EPB41L1: variants seen among roughly 807,000 people sequenced by gnomAD.
EPB41L1 encodes the protein erythrocyte membrane protein band 4.1 like 1, also known as band 4.1-like protein 1.
Under a neutral mutation model 97.8 loss-of-function variants are expected in EPB41L1, and 29 were observed. That is an observed-to-expected ratio of 0.30 (90% CI 0.22 to 0.40). The LOEUF (loss-of-function observed/expected upper bound fraction) is 0.40, where lower values mean the gene tolerates loss of function less well. Among genes scored for constraint, EPB41L1 ranks in the 10% least tolerant of loss-of-function variants. The pLI is 1.00. For synonymous variants in EPB41L1, 383 were observed against 459.2 expected, an observed-to-expected ratio of 0.83 and a Z score of 2.12; for missense variants, 812 against 1,162.3, an observed-to-expected ratio of 0.70 and a Z score of 4.38.
intron 6 of EPB41L1, among the ~76,000 whole-genome samples, chr20:36,184,589 C>T (rs146811278): frequency 1.3e-5 from 2 of 152,262 alleles, no homozygotes; most frequent in Non-Finnish European, 2.9e-5. Context: ...GGGGTAGAGT[C>T]ACATGTGCTG....
intron 9 of EPB41L1, among the ~76,000 whole-genome samples, chr20:36,189,263 T>G (rs1194081597): frequency 6.6e-6 from 1 of 152,148 alleles, no homozygotes; most frequent in African/African-American, 2.4e-5. Flanking sequence ...ATTTTCCTCA[T>G]AGCTGCTGGA....
chr20:36,182,215 C>T, intron 5 of EPB41L1, 57 bp from the exon 6 acceptor site: 2 of 1,516,852 alleles, frequency 1.3e-6, no homozygotes, highest in Non-Finnish European at 1.8e-6. Flanking sequence ...GATGGTGCAT[C>T]TGGACCACCC....
Position 36,209,769 on chromosome 20 carries a change from G to A in EPB41L1, c.1950G>A (p.Ser650=), listed in dbSNP as rs1195206967. The change falls in exon 15 of 22, where the codon TCG becomes TCA. Residue 650 remains serine, a synonymous_variant. Transcript: ENST00000338074. This position sits in a 1 kb window ranked among gnomAD's most constrained non-coding sequence, Gnocchi z 4.2. ...AGCTCGACCGGGACAAAAGCGACTC[G>A]GACACTGAGGGCCTGCTGTTCTCCC... ...LPELDRDKSD[S]DTEGLLFSRD... 5.0e-6 allele frequency: 8 copies of A among 1,613,936 alleles called. No individual in the cohort carries two copies. Among genetic ancestry groups the A allele is most frequent in the African/African-American group, 2.7e-5 (2 of 74,912 alleles).
At chr20:36,143,662 C>A (rs1025941140) in intron 2 of EPB41L1, among the ~76,000 whole-genome samples, 2 of 151,856 alleles carry the variant, frequency 1.3e-5, no homozygotes, top group Non-Finnish European at 2.9e-5. Context: ...GCATGGGCTT[C>A]ATGAGCTCTC....
chr20:36,177,615 G>A (rs1477961815), intron 3 of EPB41L1, among the ~76,000 whole-genome samples: 3 of 152,172 alleles, frequency 2.0e-5, no homozygotes, highest in African/African-American at 7.2e-5. Flanking sequence ...TGCCCCTTCG[G>A]TCTAAGTTAG....
At chr20:36,222,663 A>G (rs190880723) in intron 21 of EPB41L1, among the ~76,000 whole-genome samples, 14 of 152,110 alleles carry the variant, frequency 9.2e-5, no homozygotes, top group Non-Finnish European at 2.1e-4. Flanking sequence ...GTGGTTAAAA[A>G]TTTTTTTAAA....
In EPB41L1 at chr20:36,195,382, T is replaced by A. The variant is rs190869004; in HGVS notation, c.1485+18T>A. On this transcript the variant is annotated intron_variant, in intron 13 of 21. Coordinates refer to ENST00000338074, the MANE Select transcript of EPB41L1 (RefSeq NM_012156.2). This position sits in a 1 kb window ranked among gnomAD's most constrained non-coding sequence, Gnocchi z 4.6. ...AGCAGGAGGTACTGCATGGGACCTG[T>A]CCCTCCCTACCCAGCCGTTCCCATC... 190 of 1,613,682 alleles carry A rather than the reference T, an allele frequency of 1.2e-4. 2 individuals carry two copies. In the East Asian group the frequency reaches 4.0e-3, roughly 34 times the overall value.
chr20:36,187,465 A>T (rs180965038), intron 7 of EPB41L1, among the ~76,000 whole-genome samples: 20 of 152,298 alleles, frequency 1.3e-4, no homozygotes, highest in Admixed American at 5.2e-4. Flanking sequence ...ACAAGACTGG[A>T]CTTGAGCTTT....
intron 21 of EPB41L1, among the ~76,000 whole-genome samples, chr20:36,228,426 C>A (rs2064309805): frequency 6.6e-6 from 1 of 152,180 alleles, no homozygotes; most frequent in Non-Finnish European, 1.5e-5. Context: ...ACTTGCCAGG[C>A]ACTGTGGCGT....
rs1274856740 is a variant in EPB41L1, at chr20:36,231,651, A to C, written c.*2311A>C. On this transcript the variant is annotated 3_prime_UTR_variant, in exon 22 of 22. Transcript: ENST00000338074. Reference sequence around the variant, plus strand: ...CTGGCCTGAGGCAGGGCAGGAAATCAGAATAGCATTTGCTTCTCTGGGCAA... The same window carrying C: ...CTGGCCTGAGGCAGGGCAGGAAATCCGAATAGCATTTGCTTCTCTGGGCAA... 1 of 152,370 alleles carries C rather than the reference A, an allele frequency of 6.6e-6. No individual in the cohort carries two copies. The highest frequency in any genetic ancestry group is 2.1e-4 in the South Asian group (1 of 4,836). The allele number at this position is 152,370 out of a possible 1,614,324, so 9.4% of individuals were successfully genotyped here.
In EPB41L1 at chr20:36,178,047, C is replaced by G. The variant is rs1325866956; in HGVS notation, c.438C>G (p.Asp146Glu). The change falls in exon 4 of 22, where the codon GAC becomes GAG. Residue 146 changes from aspartate to glutamate, a missense_variant. Transcript: ENST00000338074. ...TCGGCCTGACCTTCTGTGATGCTGA[C>G]AGCCAGAAGGTACCTGGGCTAGGGA... ...DYFGLTFCDA[D>E]SQKNWLDPSK... 11 of 1,613,654 alleles carry G rather than the reference C, an allele frequency of 6.8e-6. No individual in the cohort carries two copies. The highest frequency in any genetic ancestry group is 1.7e-4 in the Middle Eastern group (1 of 6,060).
intron 14 of EPB41L1, among the ~76,000 whole-genome samples, chr20:36,199,716 A>G (rs2062393088): frequency 6.6e-6 from 1 of 152,230 alleles, no homozygotes; most frequent in Non-Finnish European, 1.5e-5. Flanking sequence ...GATCCAGTGA[A>G]CAACATCCTC....
chr20:36,173,166 A>G (rs1277633956), intron 1 of EPB41L1, among the ~76,000 whole-genome samples: 1 of 152,154 alleles, frequency 6.6e-6, no homozygotes, highest in Non-Finnish European at 1.5e-5. Flanking sequence ...TGTTCTTTTG[A>G]CTTTTACATC....
chr20:36,167,748 TAATA>T (rs974285406), intron 1 of EPB41L1, among the ~76,000 whole-genome samples: 38 of 151,224 alleles, frequency 2.5e-4, no homozygotes, highest in African/African-American at 9.2e-4. Flanking sequence ...TAATAATAAA[TAATA>T]AATAAAGAGG....
At chr20:36,155,030 T>A in intron 1 of EPB41L1, 134 bp downstream of exon 1, 1 of 834,684 alleles carries the variant, frequency 1.2e-6, no homozygotes, top group Non-Finnish European at 1.7e-6. Flanking sequence ...CTGGCCAGTG[T>A]GGGGGAGGGT....
chr20:36,137,679 C>G (rs1258407216), intron 2 of EPB41L1, among the ~76,000 whole-genome samples: 3 of 152,070 alleles, frequency 2.0e-5, no homozygotes, highest in Admixed American at 6.5e-5. Context: ...CATGCACCAC[C>G]GTGCCCGTCT....
chr20:36,124,088 A>T (rs540685648), intron 2 of EPB41L1, among the ~76,000 whole-genome samples: 81 of 152,182 alleles, frequency 5.3e-4, no homozygotes, highest in African/African-American at 2.0e-3. Flanking sequence ...CTCTACTAAA[A>T]ATACAAAAAA....
chr20:36,206,413 G>T lies in EPB41L1; in HGVS notation c.1669-3075G>T. The T allele has an allele frequency of 7.8e-7, 1 of 1,289,660 alleles. No individual in the cohort carries two copies. The highest frequency in any genetic ancestry group is 2.1e-4 in the Middle Eastern group (1 of 4,698). 79.9% of individuals were successfully genotyped at this position (1,289,660 alleles called of 1,614,324 possible). A position where few individuals can be genotyped will look rare whatever the true frequency, so the allele number is the denominator to read the frequency against. Reference sequence around the variant, plus strand: ...GTCGTTTCTATTGGATCCAGCCCACGCAGAAGCCAGAGCTGAGTTGAGCAA... The same window carrying T: ...GTCGTTTCTATTGGATCCAGCCCACTCAGAAGCCAGAGCTGAGTTGAGCAA... On this transcript the variant is annotated intron_variant, in intron 14 of 21. Coordinates refer to ENST00000338074, the MANE Select transcript of EPB41L1 (RefSeq NM_012156.2). This position sits in a 1 kb window ranked among gnomAD's most constrained non-coding sequence, Gnocchi z 5.5.
chr20:36,176,293 C>T (rs2061226483), intron 3 of EPB41L1, among the ~76,000 whole-genome samples: 3 of 152,342 alleles, frequency 2.0e-5, no homozygotes, highest in South Asian at 4.1e-4. Flanking sequence ...CAGCAGATGC[C>T]TCCTTCTGGG....
Sources: allele counts gnomAD v4.1 joint callset (sites outside exome capture counted in the v4.1 genomes callset), GRCh38; gene constraint gnomAD v4.1.1; non-coding constraint Gnocchi (gnomAD v3.1); transcripts MANE v1.5; gene names NCBI Gene and HGNC (gene_info 2026-07-23, HGNC 2026-07-21).